STXBP5: variants seen among roughly 807,000 people sequenced by gnomAD.
The protein encoded by STXBP5 is syntaxin binding protein 5.
In STXBP5, 50 loss-of-function variants were observed where a neutral mutation model predicts 152.4. The ratio of observed to expected loss-of-function variants is 0.33; its 90% CI spans 0.26 to 0.42. The LOEUF (loss-of-function observed/expected upper bound fraction) is 0.42, where lower values mean the gene tolerates loss of function less well. STXBP5 is among the 10% of genes least tolerant of loss of function. The probability of loss-of-function intolerance (pLI) is 1.00; values close to 1 mark genes in which losing one functional copy is unlikely to be tolerated. For synonymous variants in STXBP5, 492 were observed against 494.7 expected (o/e 0.99, Z 0.07); for missense variants, 1,167 against 1,388.6 (o/e 0.84, Z 2.54).
At position 147,389,135 on chromosome 6, in the gene STXBP5, T is replaced by C. The variant is rs975126236; in HGVS notation, c.*4380T>C. 2 of 151,760 alleles carry C rather than the reference T, an allele frequency of 1.3e-5. No homozygotes were observed. Among genetic ancestry groups the C allele is most frequent in the East Asian group, 1.9e-4 (1 of 5,182 alleles). 9.4% of individuals were successfully genotyped at this position (151,760 alleles called of 1,614,324 possible). On this transcript the variant is annotated 3_prime_UTR_variant, in exon 28 of 28. Transcript: ENST00000321680. ...CATTTGAAAATGAATGTGAAGATACTGTTTACAGCTTTTGTTAATTGCACT... is the reference window on the plus strand; with the variant it reads ...CATTTGAAAATGAATGTGAAGATACCGTTTACAGCTTTTGTTAATTGCACT...
rs546609448 is a variant in STXBP5, at chr6:147,361,746, A to G, written c.2546-1589A>G. Among the ~76,000 whole-genome samples, 6 of 152,346 alleles carry G rather than the reference A, an allele frequency of 3.9e-5. No homozygotes were observed. In the South Asian group the frequency reaches 8.3e-4, roughly 21 times the overall value. On this transcript the variant is annotated intron_variant, in intron 23 of 27. Coordinates refer to ENST00000321680, the MANE Select transcript of STXBP5 (RefSeq NM_001127715.4). ...CATACTAGAACAATATATGTGCTAT[A>G]AACAGTTCCCAAATTAGCATGGATA...
intron 21 of STXBP5, among the ~76,000 whole-genome samples, chr6:147,350,147 A>G (rs1784522976): frequency 6.6e-6 from 1 of 152,190 alleles, no homozygotes; most frequent in Non-Finnish European, 1.5e-5. Flanking sequence ...ACCTCTCAAT[A>G]AAAATGTTGA....
chr6:147,301,720 G>C (rs17076689), intron 9 of STXBP5, among the ~76,000 whole-genome samples: 10,503 of 152,038 alleles, frequency 0.069, 488 homozygotes, highest in African/African-American at 0.12. Flanking sequence ...TTTAAGATAA[G>C]ATTTTGACTT....
chr6:147,276,349 T>C (rs926336301), intron 7 of STXBP5, among the ~76,000 whole-genome samples: 1 of 152,164 alleles, frequency 6.6e-6, no homozygotes, highest in Non-Finnish European at 1.5e-5. Context: ...GTTTCTGTTG[T>C]CCAAAATAAT....
At chr6:147,335,877 G>T (rs983238919) in intron 19 of STXBP5, among the ~76,000 whole-genome samples, 2 of 152,152 alleles carry the variant, frequency 1.3e-5, no homozygotes, top group African/African-American at 4.8e-5. Flanking sequence ...CTCAAACATG[G>T]TTCAGCATTT....
chr6:147,335,785 C>T (rs1461687900), intron 19 of STXBP5, among the ~76,000 whole-genome samples: 4 of 150,858 alleles, frequency 2.7e-5, no homozygotes, highest in African/African-American at 9.8e-5. Flanking sequence ...TGGGCGACAG[C>T]GAGACTACGT....
At chr6:147,366,799 A>G (rs575513614) in intron 25 of STXBP5, among the ~76,000 whole-genome samples, 215 of 152,326 alleles carry the variant, frequency 1.4e-3, no homozygotes, top group African/African-American at 4.7e-3. Context: ...GTTATCAGCC[A>G]CTACTCCAGA....
intron 8 of STXBP5, among the ~76,000 whole-genome samples, chr6:147,287,723 C>G: frequency 6.6e-6 from 1 of 152,156 alleles, no homozygotes. Context: ...GCAAATTATG[C>G]TGCAGCTACC....
chr6:147,379,159 A>G (rs1206512966), intron 26 of STXBP5, among the ~76,000 whole-genome samples: 1 of 151,982 alleles, frequency 6.6e-6, no homozygotes, highest in Non-Finnish European at 1.5e-5. Flanking sequence ...GGTTAGGCTT[A>G]CCTAAATAAT....
intron 21 of STXBP5, among the ~76,000 whole-genome samples, chr6:147,348,124 A>G (rs1784421809): frequency 1.3e-5 from 2 of 152,214 alleles, no homozygotes; most frequent in African/African-American, 4.8e-5. Context: ...TAAAGTACCT[A>G]TGAAATCAAA....
chr6:147,222,300 C>T (rs992842706), intron 2 of STXBP5, among the ~76,000 whole-genome samples: 2 of 152,042 alleles, frequency 1.3e-5, no homozygotes, highest in African/African-American at 4.8e-5. Flanking sequence ...TATTTTTTGC[C>T]TTTTAATTTT....
intron 14 of STXBP5, among the ~76,000 whole-genome samples, chr6:147,314,865 A>G (rs34309227): frequency 0.017 from 2,560 of 152,168 alleles, 77 homozygotes; most frequent in African/African-American, 0.059. Context: ...TTCCTTCAAA[A>G]TTTCTTCAAA....
chr6:147,328,547 T>C (rs1291297347), intron 18 of STXBP5, among the ~76,000 whole-genome samples: 1 of 151,372 alleles, frequency 6.6e-6, no homozygotes, highest in Non-Finnish European at 1.5e-5. Context: ...GCTTGATGAC[T>C]GAATTTTTCT....
intron 2 of STXBP5, among the ~76,000 whole-genome samples, chr6:147,224,642 TA>T (rs1342454257): frequency 1.3e-5 from 2 of 152,218 alleles, no homozygotes; most frequent in Admixed American, 6.5e-5. Flanking sequence ...ACAGAAAGTT[TA>T]TTTTTTTATC....
intron 4 of STXBP5, among the ~76,000 whole-genome samples, chr6:147,255,920 AT>A (rs1779336883): frequency 6.6e-6 from 1 of 152,160 alleles, no homozygotes; most frequent in Admixed American, 6.5e-5. Context: ...ATAAGCAGGT[AT>A]TTTTTGGACT....
At position 147,386,820 on chromosome 6, in the gene STXBP5, T is replaced by C. The variant is rs1444199597; in HGVS notation, c.*2065T>C. ...TGGGAAAGCATTATGTAGATTAATA[T>C]ACTGGTTGGTTCCCTATCTATGTGG... On this transcript the variant is annotated 3_prime_UTR_variant, in exon 28 of 28. Coordinates refer to ENST00000321680, the MANE Select transcript of STXBP5 (RefSeq NM_001127715.4). The C allele has an allele frequency of 6.6e-6, 1 of 151,806 alleles. No individual in the cohort carries two copies. 9.4% of individuals were successfully genotyped at this position (151,806 alleles called of 1,614,324 possible).
rs138876354 is a variant in STXBP5, at chr6:147,363,471, A to T, written c.2682A>T (p.Lys894Asn). The change falls in exon 24 of 28, where the codon AAA (lysine) becomes AAT (asparagine). Residue 894 changes from lysine (K) to asparagine (N), a missense_variant. Around this residue, in one of 3 missense-constraint regions of STXBP5, gnomAD observed 833 missense variants for 986.3 expected, o/e 0.84. Transcript: ENST00000321680. The stretch of plus-strand genomic sequence containing the variant: ...AAAAAGACGAAAAGGAGAAATTGAA[A>T]AAACGGCGGCCTGTCTCAGTATCCC... ...PEEKDEKEKL[K>N]KRRPVSVSPS... 6.2e-7 allele frequency: 1 copy of T among 1,614,050 alleles called. No homozygotes were observed. The highest frequency in any genetic ancestry group is 8.5e-7 in the Non-Finnish European group (1 of 1,180,042).
At chr6:147,338,769 A>T (rs1363163314) in intron 19 of STXBP5, among the ~76,000 whole-genome samples, 2 of 55,826 alleles carry the variant, frequency 3.6e-5, no homozygotes, top group Admixed American at 1.8e-4. Flanking sequence ...CTCTAAAATA[A>T]CAAGTTTTAC....
rs1786367157 is a variant in STXBP5, at chr6:147,386,912, T to G, written c.*2157T>G. On this transcript the variant is annotated 3_prime_UTR_variant, in exon 28 of 28. Transcript: ENST00000321680. ...TTGTGTTATATAACACAAATATATT[T>G]GTATATTAACTTCATTTTTACTGTC... 6.6e-6 allele frequency: 1 copy of G among 151,776 alleles called. No homozygotes were observed. The highest frequency in any genetic ancestry group is 1.5e-5 in the Non-Finnish European group (1 of 67,732). The allele number at this position is 151,776 out of a possible 1,614,324, so 9.4% of individuals were successfully genotyped here.
Sources: allele counts gnomAD v4.1 joint callset (sites outside exome capture counted in the v4.1 genomes callset), GRCh38; gene constraint gnomAD v4.1.1; regional missense constraint gnomAD v4.1.1; transcripts MANE v1.5; gene names NCBI Gene and HGNC (gene_info 2026-07-23, HGNC 2026-07-21).